The following RAD51B variants were observed in gnomAD, a reference collection of about 807,000 sequenced individuals.
RAD51B encodes the protein DNA repair protein RAD51 homolog 2.
In RAD51B, 38 loss-of-function variants were observed where a neutral mutation model predicts 42.2. The observed-to-expected ratio is 0.90, with a 90% CI of 0.70 to 1.18. The LOEUF is 1.18. Among genes scored for constraint, RAD51B ranks in the 50% most tolerant of loss-of-function variants. The pLI is 0.00. For missense variants in RAD51B, 373 were observed against 400.7 expected (o/e 0.93, Z 0.59); for synonymous variants, 154 against 145.2 (o/e 1.06, Z -0.43).
intron 10 of RAD51B, among the ~76,000 whole-genome samples, chr14:68,473,017 CTGGA>C (rs1294304806): frequency 2.6e-5 from 4 of 152,192 alleles, no homozygotes; most frequent in Admixed American, 1.3e-4. Context: ...ACTGAGCCAG[CTGGA>C]TGATTTATTG....
intron 7 of RAD51B, among the ~76,000 whole-genome samples, chr14:68,217,621 T>A (rs780743662): frequency 2.6e-5 from 4 of 152,132 alleles, no homozygotes; most frequent in Non-Finnish European, 5.9e-5. Context: ...ACACTGAAAA[T>A]GTACAGTCCC....
intron 4 of RAD51B, among the ~76,000 whole-genome samples, chr14:67,838,928 C>T (rs905561618): frequency 6.6e-6 from 1 of 150,464 alleles, no homozygotes; most frequent in African/African-American, 2.4e-5. Context: ...ACTTTTTTTT[C>T]TGCATTGATT....
chr14:68,591,951 T>C (rs1011393873), intron 10 of RAD51B, among the ~76,000 whole-genome samples: 3 of 152,130 alleles, frequency 2.0e-5, no homozygotes, highest in African/African-American at 7.2e-5. Flanking sequence ...TCTCACCACC[T>C]AGGACTGTGT....
intron 7 of RAD51B, among the ~76,000 whole-genome samples, chr14:68,205,096 G>A (rs116905546): frequency 3.9e-5 from 6 of 152,220 alleles, no homozygotes; most frequent in Non-Finnish European, 7.4e-5. Context: ...TTTGAGAGGC[G>A]AGTGTGCTTG....
At chr14:68,339,816 A>G (rs953546225) in intron 8 of RAD51B, among the ~76,000 whole-genome samples, 3 of 152,224 alleles carry the variant, frequency 2.0e-5, no homozygotes, top group African/African-American at 4.8e-5. Context: ...CTAAGTAGTA[A>G]AAGTTGAAAA....
intron 8 of RAD51B, among the ~76,000 whole-genome samples, chr14:68,343,057 G>T (rs918064947): frequency 6.6e-6 from 1 of 151,346 alleles, no homozygotes; most frequent in Non-Finnish European, 1.5e-5. Context: ...ACAATGTAAT[G>T]TTATAATTAA....
At chr14:67,873,827 C>CT (rs1004094807) in intron 5 of RAD51B, among the ~76,000 whole-genome samples, 1 of 145,546 alleles carries the variant, frequency 6.9e-6, no homozygotes, top group African/African-American at 2.6e-5. Flanking sequence ...TCTCAGTAAA[C>CT]TATCACAAGA....
intron 7 of RAD51B, among the ~76,000 whole-genome samples, chr14:68,070,573 A>G (rs1032891718): frequency 6.6e-6 from 1 of 152,128 alleles, no homozygotes; most frequent in African/African-American, 2.4e-5. Context: ...ACTCTGTTGA[A>G]GATCAGCTAG....
At chr14:68,072,284 T>TCA (rs1595359917) in intron 7 of RAD51B, among the ~76,000 whole-genome samples, 1 of 148,230 alleles carries the variant, frequency 6.7e-6, no homozygotes, top group East Asian at 2.0e-4. Context: ...TTATTAAGCA[T>TCA]TATATATATA....
At chr14:68,673,026 T>C (rs1293853951) in intron 11 of RAD51B, among the ~76,000 whole-genome samples, 4 of 152,242 alleles carry the variant, frequency 2.6e-5, no homozygotes, top group African/African-American at 7.2e-5. Context: ...CACAGTTCAC[T>C]CAACTGTGCT....
intron 7 of RAD51B, among the ~76,000 whole-genome samples, chr14:68,082,836 A>AT (rs955552437): frequency 1.3e-5 from 2 of 152,188 alleles, no homozygotes; most frequent in Middle Eastern, 3.2e-3. Flanking sequence ...GAGCCTACAT[A>AT]TTAGTGCCAA....
chr14:68,578,303 C>T (rs1004555113), intron 10 of RAD51B, among the ~76,000 whole-genome samples: 65 of 152,040 alleles, frequency 4.3e-4, no homozygotes, highest in Middle Eastern at 3.4e-3. Context: ...CCCAGCTACT[C>T]GGGAGGCTGA....
intron 11 of RAD51B, among the ~76,000 whole-genome samples, chr14:68,665,468 C>T (rs61985558): frequency 9.2e-5 from 14 of 152,244 alleles, no homozygotes; most frequent in Non-Finnish European, 1.8e-4. Flanking sequence ...GTGGAAACAT[C>T]ACTTTATCAG....
intron 9 of RAD51B, among the ~76,000 whole-genome samples, chr14:68,429,575 ATCC>A (rs1395411085): frequency 1.3e-5 from 2 of 152,098 alleles, no homozygotes; most frequent in Non-Finnish European, 2.9e-5. Flanking sequence ...GTCTGTTCAT[ATCC>A]TTTGCCCACT....
At chr14:68,088,619 T>TGA (rs1555353840) in intron 7 of RAD51B, among the ~76,000 whole-genome samples, 1 of 134,166 alleles carries the variant, frequency 7.5e-6, no homozygotes, top group African/African-American at 2.8e-5. Context: ...CGCGTGTGTG[T>TGA]GAGACAGAGA....
At chr14:68,018,646 A>G (rs1477922850) in intron 7 of RAD51B, among the ~76,000 whole-genome samples, 2 of 152,120 alleles carry the variant, frequency 1.3e-5, no homozygotes, top group East Asian at 3.8e-4. Context: ...ATTTGTTTCT[A>G]TCTTATTCAT....
At chr14:68,002,998 C>G (rs1375101349) in intron 7 of RAD51B, among the ~76,000 whole-genome samples, 1 of 152,076 alleles carries the variant, frequency 6.6e-6, no homozygotes, top group African/African-American at 2.4e-5. Context: ...TTAGGATTGT[C>G]TTGGGTATTC....
chr14:68,535,510 T>C lies in RAD51B; in HGVS notation c.1037-58975T>C, dbSNP rs562861343. On this transcript the variant is annotated intron_variant, in intron 10 of 10. Coordinates refer to the RAD51B transcript ENST00000487270. ...CTTCTCTTAAGGGCAGTCAGGTGCATTGGGACCTAATTTCTAAGCATGTGA... is the reference window on the plus strand; with the variant it reads ...CTTCTCTTAAGGGCAGTCAGGTGCACTGGGACCTAATTTCTAAGCATGTGA... 2.0e-5 allele frequency among the ~76,000 whole-genome samples: 3 copies of C among 152,056 alleles called. No homozygotes were observed. In the East Asian group the frequency reaches 5.8e-4, roughly 29 times the overall value.
chr14:68,553,773 C>G (rs114221359), intron 10 of RAD51B, among the ~76,000 whole-genome samples: 6,671 of 151,994 alleles, frequency 0.044, 185 homozygotes, highest in African/African-American at 0.071. Context: ...AATGGCCTGA[C>G]AGATCCAGCC....
Sources: allele counts gnomAD v4.1 joint callset (sites outside exome capture counted in the v4.1 genomes callset), GRCh38; gene constraint gnomAD v4.1.1; transcripts MANE v1.5; gene names NCBI Gene and HGNC (gene_info 2026-07-23, HGNC 2026-07-21).